TP63: variants seen among roughly 807,000 people sequenced by gnomAD.
The protein encoded by TP63 is tumor protein p63.
A neutral mutation model predicts 82.8 loss-of-function variants in TP63; 17 were observed. The ratio of observed to expected loss-of-function variants is 0.21; its 90% CI spans 0.14 to 0.31. TP63 has a LOEUF of 0.31. Ranked by LOEUF, TP63 falls within the 10% of genes least tolerant of loss-of-function variation. TP63 has a pLI of 1.00. For missense variants in TP63, 648 were observed against 895.3 expected (o/e 0.72, Z 3.52); for synonymous variants, 330 against 321.7 (o/e 1.03, Z -0.28).
In TP63 at chr3:189,740,401, C is replaced by T. The variant is rs544605498; in HGVS notation, c.324+1627C>T. On this transcript the variant is annotated intron_variant, in intron 3 of 13. Transcript: ENST00000264731. ...TCTCCAGGGATTTTCTGTTCTCAGTCTTGGACTCATAAAAGTTGGCAAAAA... is the reference window on the plus strand; with the variant it reads ...TCTCCAGGGATTTTCTGTTCTCAGTTTTGGACTCATAAAAGTTGGCAAAAA... Among the ~76,000 whole-genome samples the T allele has an allele frequency of 3.3e-5, 5 of 152,212 alleles. No individual in the cohort carries two copies. The East Asian group carries it at 9.7e-4, about 29-fold the overall frequency.
chr3:189,623,870 C>T, the TP63 span, among the ~76,000 whole-genome samples: 3 of 152,002 alleles, frequency 2.0e-5, no homozygotes, highest in Non-Finnish European at 4.4e-5. Flanking sequence ...TCCTTTTATT[C>T]GTTCAAAACC....
chr3:189,811,200 A>G (rs1727527359), intron 4 of TP63, among the ~76,000 whole-genome samples: 1 of 152,140 alleles, frequency 6.6e-6, no homozygotes, highest in Non-Finnish European at 1.5e-5. Context: ...TCAGATGAGA[A>G]AGAGGATGAG....
chr3:189,644,856 A>C (rs1300762683), intron 1 of TP63, among the ~76,000 whole-genome samples: 1 of 150,812 alleles, frequency 6.6e-6, no homozygotes, highest in African/African-American at 2.4e-5. Flanking sequence ...AAATGCCATT[A>C]TTTCTTTCCT....
At chr3:189,872,468 C>T (rs1718548490) in intron 9 of TP63, among the ~76,000 whole-genome samples, 2 of 151,988 alleles carry the variant, frequency 1.3e-5, no homozygotes, top group Admixed American at 1.3e-4. Context: ...GACCTTCTCT[C>T]ACTTAGGGAC....
intron 4 of TP63, among the ~76,000 whole-genome samples, chr3:189,855,641 T>C (rs927822317): frequency 2.0e-5 from 3 of 152,072 alleles, no homozygotes; most frequent in Admixed American, 2.0e-4. Flanking sequence ...GCTCATGATA[T>C]ATTAAATTAT....
chr3:189,850,332 G>T (rs951682832), intron 4 of TP63, among the ~76,000 whole-genome samples: 1 of 151,782 alleles, frequency 6.6e-6, no homozygotes, highest in African/African-American at 2.4e-5. Context: ...TATTTCTAAC[G>T]TAAAAAAAGT....
At chr3:189,847,992 A>C (rs1302861377) in intron 4 of TP63, among the ~76,000 whole-genome samples, 1 of 152,154 alleles carries the variant, frequency 6.6e-6, no homozygotes, top group African/African-American at 2.4e-5. Context: ...GCACGAATAC[A>C]CCAGTTCCAC....
At position 189,727,269 on chromosome 3, in the gene TP63, A is replaced by C. The variant is rs541450201; in HGVS notation, c.63-10471A>C. On this transcript the variant is annotated intron_variant, in intron 1 of 13. Coordinates refer to ENST00000264731, the MANE Select transcript of TP63 (RefSeq NM_003722.5). ...TTGTGTAAGATTGTTCAGAACTGTC[A>C]TCAGATTCCCATAATAGATTCTATA... is the stretch of plus-strand genomic sequence containing the variant. Among the ~76,000 whole-genome samples the C allele has an allele frequency of 7.2e-5, 11 of 152,330 alleles. No individual in the cohort carries two copies. In the East Asian group the frequency reaches 1.9e-3, roughly 27 times the overall value.
At chr3:189,710,889 C>A (rs1012045314) in intron 1 of TP63, among the ~76,000 whole-genome samples, 1 of 152,128 alleles carries the variant, frequency 6.6e-6, no homozygotes, top group Non-Finnish European at 1.5e-5. Flanking sequence ...AAATGCAGAG[C>A]AGGGGGAATT....
chr3:189,725,509 G>C (rs1252127419), intron 1 of TP63, among the ~76,000 whole-genome samples: 1 of 152,108 alleles, frequency 6.6e-6, no homozygotes, highest in Non-Finnish European at 1.5e-5. Context: ...TTGTGATAAA[G>C]TACATTTTAA....
chr3:189,656,662 A>G (rs1172868541), intron 1 of TP63, among the ~76,000 whole-genome samples: 1 of 152,188 alleles, frequency 6.6e-6, no homozygotes, highest in Non-Finnish European at 1.5e-5. Flanking sequence ...AAGGGTAAAG[A>G]GATATAAAAT....
chr3:189,647,061 G>A (rs1300696623), intron 1 of TP63, among the ~76,000 whole-genome samples: 2 of 147,078 alleles, frequency 1.4e-5, no homozygotes, highest in African/African-American at 2.5e-5. Flanking sequence ...CCTTTTCATT[G>A]AACAGGGACA....
intron 1 of TP63, among the ~76,000 whole-genome samples, chr3:189,657,634 A>G (rs1370808550): frequency 6.6e-6 from 1 of 152,264 alleles, no homozygotes; most frequent in Admixed American, 6.5e-5. Context: ...GGTAAGAACC[A>G]TATTTATCTA....
At chr3:189,643,761 A>G (rs1262250398) in intron 1 of TP63, among the ~76,000 whole-genome samples, 1 of 152,290 alleles carries the variant, frequency 6.6e-6, no homozygotes, top group East Asian at 1.9e-4. Flanking sequence ...ATGGTTCTTT[A>G]GTAGAAGCAA....
intron 1 of TP63, among the ~76,000 whole-genome samples, chr3:189,640,613 A>G (rs1711765517): frequency 2.0e-5 from 3 of 152,132 alleles, no homozygotes; most frequent in South Asian, 4.1e-4. Flanking sequence ...AACCTCTTGT[A>G]TGATATGCAA....
At chr3:189,839,771 C>A (rs2108736396) in intron 4 of TP63, among the ~76,000 whole-genome samples, 1 of 152,290 alleles carries the variant, frequency 6.6e-6, no homozygotes, top group East Asian at 1.9e-4. Flanking sequence ...GTGGCTTTTT[C>A]TCCACACTCA....
chr3:189,856,445 G>A (rs975395653), intron 4 of TP63, among the ~76,000 whole-genome samples: 4 of 148,782 alleles, frequency 2.7e-5, no homozygotes, highest in East Asian at 3.9e-4. Flanking sequence ...AGAAAAAAAC[G>A]TGAAAGTCTA....
At chr3:189,834,149 T>A (rs1712777694) in intron 4 of TP63, among the ~76,000 whole-genome samples, 2 of 152,128 alleles carry the variant, frequency 1.3e-5, no homozygotes, top group African/African-American at 4.8e-5. Context: ...AGAGCTCAGT[T>A]GAGACTTGTC....
chr3:189,829,999 G>A (rs1243295341), intron 4 of TP63: 5 of 268,830 alleles, frequency 1.9e-5, no homozygotes, highest in South Asian at 1.0e-4. Context: ...CGGATGAGCT[G>A]TGTCTGGGAT....
Sources: allele counts gnomAD v4.1 joint callset (sites outside exome capture counted in the v4.1 genomes callset), GRCh38; gene constraint gnomAD v4.1.1; transcripts MANE v1.5; gene names NCBI Gene and HGNC (gene_info 2026-07-23, HGNC 2026-07-21).